The following DDX52 variants were observed in gnomAD, a reference collection of about 807,000 sequenced individuals.
The protein encoded by DDX52 is probable ATP-dependent RNA helicase DDX52.
Under a neutral mutation model 76.1 loss-of-function variants are expected in DDX52, and 59 were observed. The observed-to-expected ratio is 0.78, with a 90% CI of 0.63 to 0.96. The LOEUF is 0.96. Ranked by LOEUF, DDX52 falls within the 40% of genes least tolerant of loss-of-function variation. The probability of loss-of-function intolerance (pLI) is 0.00; values close to 1 mark genes in which losing one functional copy is unlikely to be tolerated. For missense variants in DDX52, 707 were observed against 703.9 expected, an observed-to-expected ratio of 1.00 and a Z score of -0.05; for synonymous variants, 231 against 244.1, an observed-to-expected ratio of 0.95 and a Z score of 0.50.
chr17:37,611,964 A>AAC lies in DDX52; in HGVS notation c.*2331_*2332insGT, dbSNP rs1555807539. ...TAACAGACCCTGTTTCTCAAAAAAAAAAAAAAAAACAAAACAAAAAAACTC... is the reference window on the plus strand; with the variant it reads ...TAACAGACCCTGTTTCTCAAAAAAAAACAAAAAAAAACAAAACAAAAAAACTC... On this transcript the variant is annotated 3_prime_UTR_variant, in exon 15 of 15. Coordinates refer to ENST00000617633, the MANE Select transcript of DDX52 (RefSeq NM_007010.5). The AAC allele has an allele frequency of 3.4e-5, 5 of 149,124 alleles. No individual in the cohort carries two copies. The East Asian group carries it at 9.7e-4, about 29-fold the overall frequency. The allele number at this position is 149,124 out of a possible 1,614,324, so 9.2% of individuals were successfully genotyped here.
rs2030050018 is a variant in DDX52 at position 37,620,908 on chromosome 17, TG to T, written c.1541del (p.Thr514AsnfsTer11). ...ATGGCTTATCATCCTCAGTGAAAAA[TG>T]TAATTGCTTTTCCCTTATTCCCTGC... ...GRAGNKGKAI[T>X]FFTEDDKPLL... On this transcript the variant is annotated frameshift_variant, in exon 12 of 15. Transcript: ENST00000617633. LOFTEE classifies it high-confidence loss of function. The T allele has an allele frequency of 6.3e-7, 1 of 1,594,938 alleles. No homozygotes were observed. The highest frequency in any genetic ancestry group is 1.4e-5 in the African/African-American group (1 of 73,706).
At chr17:37,627,916 C>T (rs954069531) in intron 6 of DDX52, among the ~76,000 whole-genome samples, 2 of 151,908 alleles carry the variant, frequency 1.3e-5, no homozygotes, top group Non-Finnish European at 2.9e-5. Context: ...TACAGGCATG[C>T]ACCACCATGC....
intron 14 of DDX52, among the ~76,000 whole-genome samples, chr17:37,615,332 A>G (rs2064411930): frequency 6.6e-6 from 1 of 152,188 alleles, no homozygotes; most frequent in South Asian, 2.1e-4. Context: ...GGCTGATATG[A>G]CAAGATTTAT....
intron 9 of DDX52, among the ~76,000 whole-genome samples, chr17:37,623,813 C>T (rs993780631): frequency 6.6e-6 from 1 of 152,046 alleles, no homozygotes; most frequent in African/African-American, 2.4e-5. Context: ...TTATTTTATC[C>T]CTCTAAACAA....
Position 37,621,450 on chromosome 17 carries a change from A to G in DDX52, c.1298T>C (p.Ile433Thr). ...AACATCCACATTAATACCTTCATAT[A>G]TGAGCTCATGAAAAAGTTCTTTAGC... The part of the protein sequence containing the change: ...ERAKELFHEL[I>T]YEGINVDVIH... The change falls in exon 10 of 15, where the codon ATA becomes ACA. Residue 433 changes from isoleucine (I) to threonine (T), a missense_variant. By Grantham distance (89) the Ile-to-Thr change is moderately conservative. Coordinates refer to ENST00000617633, the MANE Select transcript of DDX52 (RefSeq NM_007010.5). 6.2e-7 allele frequency: 1 copy of G among 1,613,862 alleles called. No individual in the cohort carries two copies. Among genetic ancestry groups the G allele is most frequent in the Non-Finnish European group, 8.5e-7 (1 of 1,179,902 alleles).
intron 1 of DDX52, 159 bp downstream of exon 1, chr17:37,643,175 G>A (rs894483519): frequency 2.1e-5 from 14 of 660,224 alleles, no homozygotes; most frequent in Admixed American, 1.8e-4. Context: ...CCGAGCAGCC[G>A]TGCAGGCAAG....
At position 37,632,261 on chromosome 17, in the gene DDX52, T is replaced by A; in HGVS notation, c.455A>T (p.Gln152Leu). Residue 152 changes from glutamine to leucine, a missense_variant, in exon 4 of 15, where the codon CAA (glutamine) becomes CTA (leucine). Physicochemically the swap from Gln to Leu is moderately radical, Grantham distance 113. Transcript: ENST00000617633. ...AATTGGGTCAGGAAGATCGGTTCCT[T>A]GGACGTGAATTTTGTGTTTATTCCG... is the stretch of plus-strand genomic sequence containing the variant. ...FLRNKHKIHV[Q>L]GTDLPDPIAT... is the part of the protein sequence containing the mutation. The A allele has an allele frequency of 6.2e-7, 1 of 1,614,064 alleles. No individual in the cohort carries two copies. Among genetic ancestry groups the A allele is most frequent in the Non-Finnish European group, 8.5e-7 (1 of 1,180,006 alleles).
At chr17:37,620,093 T>C (rs1156317341) in intron 12 of DDX52, 1 of 389,030 alleles carries the variant, frequency 2.6e-6, no homozygotes, top group Non-Finnish European at 4.6e-6. Flanking sequence ...CCTACAAAAC[T>C]GGTAAACTCA....
At chr17:37,638,198 T>C (rs1332953088) in intron 2 of DDX52, among the ~76,000 whole-genome samples, 1 of 152,220 alleles carries the variant, frequency 6.6e-6, no homozygotes, top group Non-Finnish European at 1.5e-5. Context: ...GCACTTCACT[T>C]GTTGACTTTC....
At chr17:37,641,199 G>A (rs535054033) in intron 2 of DDX52, among the ~76,000 whole-genome samples, 34 of 151,948 alleles carry the variant, frequency 2.2e-4, no homozygotes, top group Admixed American at 3.9e-4. Context: ...TCAGGAGATC[G>A]AGACCATCCT....
intron 9 of DDX52, 76 bp downstream of exon 9, chr17:37,624,268 C>T: frequency 9.4e-7 from 1 of 1,063,206 alleles, no homozygotes. Flanking sequence ...ACAGTGCTAC[C>T]ACTGTAATAG....
chr17:37,639,780 C>CATAG (rs955927237), intron 2 of DDX52, among the ~76,000 whole-genome samples: 16 of 151,758 alleles, frequency 1.1e-4, no homozygotes, highest in African/African-American at 3.9e-4. Flanking sequence ...ACACATTTAT[C>CATAG]ATAGATCTAC....
At chr17:37,620,983 G>A in intron 11 of DDX52, 35 bp from the exon 12 acceptor site, 2 of 1,571,834 alleles carry the variant, frequency 1.3e-6, no homozygotes, top group Non-Finnish European at 8.6e-7. Flanking sequence ...AACACATTTT[G>A]GGGGGAAGGA....
At chr17:37,618,256 G>A in intron 14 of DDX52, 36 bp downstream of exon 14, 1 of 1,508,480 alleles carries the variant, frequency 6.6e-7, no homozygotes, top group Non-Finnish European at 9.0e-7. Flanking sequence ...ACTTTATGAT[G>A]GTGTCAAACA....
chr17:37,630,402 G>A (rs901604139), intron 4 of DDX52, among the ~76,000 whole-genome samples: 1 of 152,070 alleles, frequency 6.6e-6, no homozygotes, highest in Non-Finnish European at 1.5e-5. Flanking sequence ...TAAAGAATAC[G>A]GGTAACTAAA....
At chr17:37,633,057 A>C (rs1044002344) in intron 3 of DDX52, among the ~76,000 whole-genome samples, 7 of 152,178 alleles carry the variant, frequency 4.6e-5, no homozygotes, top group Non-Finnish European at 7.3e-5. Flanking sequence ...AAACTTGAGC[A>C]GGTCAAGAAT....
chr17:37,626,004 T>C lies in DDX52; in HGVS notation c.1027A>G (p.Thr343Ala), dbSNP rs2030352846. The C allele has an allele frequency of 2.5e-6, 4 of 1,614,188 alleles. No individual in the cohort carries two copies. The highest frequency in any genetic ancestry group is 1.3e-5 in the African/African-American group (1 of 75,042). Residue 343 changes from threonine (T) to alanine (A), a missense_variant, in exon 8 of 15, where the codon ACA becomes GCA. Physicochemically the swap from Thr to Ala is moderately conservative, Grantham distance 58. Transcript: ENST00000617633. ...DQLASIFLAC[T>A]SHKVRRAMFS... ...ATAGCTCTTCGGACCTTGTGGGATGTGCAGGCCAGGAAAATGGAAGCCAGC... is the reference window on the plus strand; with the variant it reads ...ATAGCTCTTCGGACCTTGTGGGATGCGCAGGCCAGGAAAATGGAAGCCAGC...
In DDX52 at chr17:37,624,384, T is replaced by G. The variant is rs2030257627; in HGVS notation, c.1187A>C (p.Glu396Ala). The part of the protein sequence containing the change: ...VEQELLFVGS[E>A]TGKLLAVREL... ...TCTCACGGCCAGAAGTTTTCCGGTCTCAGATCCAACAAAGAGAAGCTCTTG... is the reference window on the plus strand; with the variant it reads ...TCTCACGGCCAGAAGTTTTCCGGTCGCAGATCCAACAAAGAGAAGCTCTTG... The change falls in exon 9 of 15, where the codon GAG (glutamate) becomes GCG (alanine). Residue 396 changes from glutamate (E) to alanine (A), a missense_variant. Coordinates refer to ENST00000617633, the MANE Select transcript of DDX52 (RefSeq NM_007010.5). 1 of 1,609,230 alleles carries G rather than the reference T, an allele frequency of 6.2e-7. No individual in the cohort carries two copies. The highest frequency in any genetic ancestry group is 1.7e-5 in the Admixed American group (1 of 59,772).
At chr17:37,629,121 T>A (rs1311154925) in intron 5 of DDX52, among the ~76,000 whole-genome samples, 2 of 151,898 alleles carry the variant, frequency 1.3e-5, no homozygotes, top group South Asian at 2.1e-4. Context: ...CTTGGGAGGC[T>A]GAGGCAGGAG....
Sources: allele counts gnomAD v4.1 joint callset (sites outside exome capture counted in the v4.1 genomes callset), GRCh38; gene constraint gnomAD v4.1.1; transcripts MANE v1.5; gene names NCBI Gene and HGNC (gene_info 2026-07-23, HGNC 2026-07-21).